The following EYA2 variants were observed in gnomAD, a reference collection of about 807,000 sequenced individuals.
The protein encoded by EYA2 is protein phosphatase EYA2.
EYA2 carries 31 observed loss-of-function variants against 69.2 expected under a neutral mutation model. That is an observed-to-expected ratio of 0.45 (90% CI 0.34 to 0.60). The LOEUF (loss-of-function observed/expected upper bound fraction) is 0.60, where lower values mean the gene tolerates loss of function less well. EYA2 is among the 20% of genes least tolerant of loss of function. EYA2 has a pLI of 0.02. For synonymous variants in EYA2, 257 were observed against 279.4 expected (o/e 0.92, Z 0.80); for missense variants, 622 against 701.2 (o/e 0.89, Z 1.28).
chr20:47,088,421 C>T (rs1223811181), intron 7 of EYA2, among the ~76,000 whole-genome samples: 3 of 152,086 alleles, frequency 2.0e-5, no homozygotes, highest in Non-Finnish European at 2.9e-5. Context: ...TTCATCTAGG[C>T]ATGCTCAGGA....
intron 9 of EYA2, among the ~76,000 whole-genome samples, chr20:47,105,557 G>A (rs907669346): frequency 6.6e-6 from 1 of 150,858 alleles, no homozygotes; most frequent in African/African-American, 2.4e-5. Context: ...CCTGGGAGGC[G>A]GAGGTTGCAA....
intron 1 of EYA2, among the ~76,000 whole-genome samples, chr20:46,973,698 G>T (rs1040411425): frequency 6.6e-6 from 1 of 151,680 alleles, no homozygotes; most frequent in Non-Finnish European, 1.5e-5. Flanking sequence ...GTGCACAGAA[G>T]TTCATTCCAC....
At chr20:47,003,964 A>G (rs1447921915) in intron 3 of EYA2, among the ~76,000 whole-genome samples, 1 of 152,222 alleles carries the variant, frequency 6.6e-6, no homozygotes, top group African/African-American at 2.4e-5. Flanking sequence ...ATGAGATATA[A>G]TGTACATACC....
At chr20:47,123,125 A>G (rs951881641) in intron 9 of EYA2, among the ~76,000 whole-genome samples, 2 of 152,068 alleles carry the variant, frequency 1.3e-5, no homozygotes, top group Admixed American at 6.6e-5. Context: ...TGTACCTCCT[A>G]TGTAGTAAAG....
rs551547155 is a variant in EYA2, at chr20:47,148,014, G to A, written c.978+4866G>A. ...GCGGAAGCTGCAGTGAGCAGAGATC[G>A]CCCCACTGTACTCCAGCCTGGGCGA... On this transcript the variant is annotated intron_variant, in intron 10 of 15. Transcript: ENST00000327619. 3.0e-5 allele frequency among the ~76,000 whole-genome samples: 4 copies of A among 132,956 alleles called. No individual in the cohort carries two copies. In the East Asian group the frequency reaches 6.1e-4, roughly 20 times the overall value. The allele number at this position is 132,956 out of a possible 152,430, so 87.2% of individuals were successfully genotyped here. A position where few individuals can be genotyped will look rare whatever the true frequency, so the allele number is the denominator to read the frequency against.
At chr20:46,979,451 C>T (rs1980681715) in intron 1 of EYA2, 1 of 152,190 alleles carries the variant, frequency 6.6e-6, no homozygotes, top group African/African-American at 2.4e-5. Flanking sequence ...GGTTTTGCAA[C>T]AATGCAACAA....
intron 1 of EYA2, among the ~76,000 whole-genome samples, chr20:46,905,955 G>A (rs996007246): frequency 4.6e-5 from 7 of 151,114 alleles, no homozygotes; most frequent in African/African-American, 1.2e-4. Context: ...GGTAGCTACC[G>A]TTTGGGGACT....
intron 10 of EYA2, among the ~76,000 whole-genome samples, chr20:47,167,270 G>A (rs969608736): frequency 7.8e-6 from 1 of 128,624 alleles, no homozygotes; most frequent in African/African-American, 3.0e-5. Flanking sequence ...GAGGAGAATC[G>A]GTTTTTTTAC....
At chr20:46,927,184 G>T (rs948174020) in intron 1 of EYA2, among the ~76,000 whole-genome samples, 15 of 152,218 alleles carry the variant, frequency 9.9e-5, no homozygotes, top group African/African-American at 3.4e-4. Context: ...CACAAGAGCA[G>T]AACTGACCCT....
chr20:46,922,466 A>T (rs1316700018), intron 1 of EYA2, among the ~76,000 whole-genome samples: 2 of 152,244 alleles, frequency 1.3e-5, no homozygotes, highest in African/African-American at 4.8e-5. Flanking sequence ...TATTCAAGTA[A>T]ACAGTGAATT....
chr20:46,953,818 A>G (rs1284501290), intron 1 of EYA2, among the ~76,000 whole-genome samples: 1 of 152,140 alleles, frequency 6.6e-6, no homozygotes, highest in Non-Finnish European at 1.5e-5. Flanking sequence ...CTTTCCTTGA[A>G]TAGGCATAGA....
At chr20:47,038,836 C>T (rs974138955) in intron 5 of EYA2, among the ~76,000 whole-genome samples, 2 of 152,090 alleles carry the variant, frequency 1.3e-5, no homozygotes, top group African/African-American at 4.8e-5. Flanking sequence ...TTAGATACCT[C>T]ACGTAAGTGG....
chr20:46,954,602 T>C (rs1018001937), intron 1 of EYA2, among the ~76,000 whole-genome samples: 3 of 152,214 alleles, frequency 2.0e-5, no homozygotes, highest in Non-Finnish European at 4.4e-5. Context: ...ACCATGCCGA[T>C]GAGTGGCCAG....
At chr20:47,014,515 T>C (rs577770751) in intron 4 of EYA2, among the ~76,000 whole-genome samples, 1 of 152,226 alleles carries the variant, frequency 6.6e-6, no homozygotes, top group East Asian at 1.9e-4. Flanking sequence ...ACCTACAATC[T>C]AGGGAGCACC....
chr20:46,980,128 G>A (rs1272106887), intron 1 of EYA2, among the ~76,000 whole-genome samples: 1 of 152,112 alleles, frequency 6.6e-6, no homozygotes, highest in Non-Finnish European at 1.5e-5. Flanking sequence ...CACAGATCTG[G>A]AGCCAGATCA....
At chr20:47,032,193 A>G (rs1028077252) in intron 5 of EYA2, among the ~76,000 whole-genome samples, 1 of 152,172 alleles carries the variant, frequency 6.6e-6, no homozygotes, top group Non-Finnish European at 1.5e-5. Flanking sequence ...TGCTGCTCCT[A>G]AAAGTTCAGG....
chr20:47,069,234 C>T (rs2031223833), intron 5 of EYA2, among the ~76,000 whole-genome samples: 1 of 152,196 alleles, frequency 6.6e-6, no homozygotes. Context: ...TGGCTCACGT[C>T]TGTAATCCCA....
intron 1 of EYA2, among the ~76,000 whole-genome samples, chr20:46,931,716 T>C (rs1985677748): frequency 1.3e-5 from 2 of 152,180 alleles, no homozygotes. Context: ...TGGCTGACTC[T>C]GCTTCTTTGC....
Position 47,161,260 on chromosome 20 carries a change from G to T in EYA2, c.979-7879G>T. 4 of 536,458 alleles carry T rather than the reference G, an allele frequency of 7.5e-6. No homozygotes were observed. In the Admixed American group the frequency reaches 9.6e-5, roughly 13 times the overall value. 33.2% of individuals were successfully genotyped at this position (536,458 alleles called of 1,614,324 possible). ...TGGGGACAATGGAGAGCTAGCCCAG[G>T]ATGATGGCCCCGCGGATGGCGTGGC... On this transcript the variant is annotated intron_variant, in intron 10 of 15. Coordinates refer to ENST00000327619, the MANE Select transcript of EYA2 (RefSeq NM_005244.5).
Sources: allele counts gnomAD v4.1 joint callset (sites outside exome capture counted in the v4.1 genomes callset), GRCh38; gene constraint gnomAD v4.1.1; transcripts MANE v1.5; gene names NCBI Gene and HGNC (gene_info 2026-07-23, HGNC 2026-07-21).